ARHGEF6: variants seen among roughly 807,000 people sequenced by gnomAD.
ARHGEF6 encodes Rac/Cdc42 guanine nucleotide exchange factor 6.
A neutral mutation model predicts 70.3 loss-of-function variants in ARHGEF6; 9 were observed. The ratio of observed to expected loss-of-function variants is 0.13; its 90% CI spans 0.08 to 0.22. ARHGEF6 has a LOEUF of 0.22. Ranked by LOEUF, ARHGEF6 falls within the 10% of genes least tolerant of loss-of-function variation. The probability of loss-of-function intolerance (pLI) is 1.00; values close to 1 mark genes in which losing one functional copy is unlikely to be tolerated. For synonymous variants in ARHGEF6, 201 were observed against 207.8 expected, an observed-to-expected ratio of 0.97 and a Z score of 0.28; for missense variants, 470 against 563.0, an observed-to-expected ratio of 0.83 and a Z score of 1.67.
chrX:136,674,323 C>G (rs1379699769), intron 19 of ARHGEF6, among the ~76,000 whole-genome samples: 1 of 112,679 alleles, frequency 8.9e-6, no homozygotes, highest in African/African-American at 3.2e-5. Flanking sequence ...AAAAACTTCA[C>G]AAAAGGTATT....
intron 12 of ARHGEF6, among the ~76,000 whole-genome samples, chrX:136,685,052 C>G (rs769525115): frequency 6.3e-4 from 70 of 111,995 alleles, no homozygotes; most frequent in Non-Finnish European, 1.1e-3. Context: ...CTACCTGACT[C>G]AATCAATCTT....
At chrX:136,745,543 G>A (rs1361613932) in intron 3 of ARHGEF6, among the ~76,000 whole-genome samples, 196 bp from the exon 4 acceptor site, 1 of 111,147 alleles carries the variant, frequency 9.0e-6, no homozygotes, top group African/African-American at 3.3e-5. Flanking sequence ...AACCTTACTG[G>A]CCATCGTGCT....
At chrX:136,764,932 A>G (rs761154416) in intron 2 of ARHGEF6, among the ~76,000 whole-genome samples, 14 of 112,323 alleles carry the variant, frequency 1.2e-4, no homozygotes, top group Non-Finnish European at 2.3e-4. Flanking sequence ...ATGTACAGCC[A>G]TGTCTGAAAA....
At chrX:136,737,516 A>G in intron 5 of ARHGEF6, 1 of 742,442 alleles carries the variant, frequency 1.3e-6, no homozygotes, top group South Asian at 6.9e-5. Flanking sequence ...CAAACTCCTT[A>G]AAGACAAATT....
Position 136,688,009 on chromosome X carries a change from T to C in ARHGEF6, c.1186-18A>G. 1 of 1,164,590 alleles carries C rather than the reference T, an allele frequency of 8.6e-7. No homozygotes were observed. The highest frequency in any genetic ancestry group is 1.2e-6 in the Non-Finnish European group (1 of 852,549). ...TGAGTATCCTATCAAAGGAATACATTTGAAAACAATGTTAGAGGAGAGAGG... is the reference window on the plus strand; with the variant it reads ...TGAGTATCCTATCAAAGGAATACATCTGAAAACAATGTTAGAGGAGAGAGG... On this transcript the variant is annotated intron_variant, in intron 10 of 21. Coordinates refer to ENST00000250617, the MANE Select transcript of ARHGEF6 (RefSeq NM_004840.3).
intron 19 of ARHGEF6, among the ~76,000 whole-genome samples, chrX:136,673,863 G>T (rs536263486): frequency 1.9e-5 from 2 of 106,892 alleles, no homozygotes; most frequent in Non-Finnish European, 3.9e-5. Context: ...CCCACCTCTC[G>T]TTCTCTTGTA....
intron 7 of ARHGEF6, among the ~76,000 whole-genome samples, chrX:136,712,059 T>A (rs1458586366): frequency 8.9e-6 from 1 of 112,290 alleles, no homozygotes; most frequent in Admixed American, 9.4e-5. Context: ...TCTCACAATA[T>A]TTTTTCTTTT....
At chrX:136,747,993 T>C (rs1425281410) in intron 2 of ARHGEF6, among the ~76,000 whole-genome samples, 10 of 112,037 alleles carry the variant, frequency 8.9e-5, no homozygotes, top group African/African-American at 3.2e-4. Context: ...AGTCCATAAA[T>C]AAGGAGGTGG....
chrX:136,734,248 G>A lies in ARHGEF6; in HGVS notation c.662-2076C>T, dbSNP rs144810008. Among the ~76,000 whole-genome samples the A allele has an allele frequency of 4.0e-3, 450 of 111,684 alleles. 1 individual carries two copies. The highest frequency in any genetic ancestry group is 0.014 in the African/African-American group (435 of 30,752). On this transcript the variant is annotated intron_variant, in intron 5 of 21. Coordinates refer to ENST00000250617, the MANE Select transcript of ARHGEF6 (RefSeq NM_004840.3). ...GAAGCTTTATGCTAGTTCAGGATCC[G>A]CCTGGATCCACTGGTGGTTCATAAG...
intron 6 of ARHGEF6, among the ~76,000 whole-genome samples, chrX:136,729,995 A>G (rs2076919460): frequency 2.7e-5 from 3 of 110,700 alleles, no homozygotes. Context: ...ATTCACTAAC[A>G]TGTTAATAGT....
intron 9 of ARHGEF6, among the ~76,000 whole-genome samples, chrX:136,693,972 T>C (rs1416859628): frequency 1.8e-5 from 2 of 110,634 alleles, no homozygotes; most frequent in South Asian, 3.8e-4. Flanking sequence ...CTGGGTAGAG[T>C]GGTTCCCTTT....
At chrX:136,713,156 G>C (rs1435447313) in intron 7 of ARHGEF6, 120 bp downstream of exon 7, 1 of 601,424 alleles carries the variant, frequency 1.7e-6, no homozygotes, top group Non-Finnish European at 2.8e-6. Flanking sequence ...TTGGCAACCT[G>C]TGATCTGTGG....
At chrX:136,712,898 T>C (rs1294442861) in intron 7 of ARHGEF6, among the ~76,000 whole-genome samples, 1 of 112,386 alleles carries the variant, frequency 8.9e-6, no homozygotes, top group East Asian at 2.8e-4. Context: ...AGTTCTGCCC[T>C]GGCAAACAAA....
rs776639562 is a variant in ARHGEF6, at chrX:136,685,753, C to A, written c.1316G>T (p.Trp439Leu). The A allele has an allele frequency of 8.3e-7, 1 of 1,211,044 alleles. No homozygotes were observed. The highest frequency in any genetic ancestry group is 1.1e-6 in the Non-Finnish European group (1 of 894,825). ...LQILSEPIQA[W>L]EGEDIKNLGN... is the part of the protein sequence containing the mutation. ...CAAGTTTTTAATATCTTCTCCTTCCCATGCCTGAATAGGTTCGGACAGTAT... is the reference window on the plus strand; with the variant it reads ...CAAGTTTTTAATATCTTCTCCTTCCAATGCCTGAATAGGTTCGGACAGTAT... Residue 439 changes from tryptophan (W) to leucine (L), a missense_variant, in exon 12 of 22, where the codon TGG becomes TTG. Coordinates refer to ENST00000250617, the MANE Select transcript of ARHGEF6 (RefSeq NM_004840.3).
rs146778359 is a variant in ARHGEF6, at chrX:136,685,579, C to A, written c.1392+98G>T. Reference sequence around the variant, plus strand: ...CCAAGATGGCACCACTGCACTCCAGCCTGAGTGACAGAACAAGACTCCGTC... The same window carrying A: ...CCAAGATGGCACCACTGCACTCCAGACTGAGTGACAGAACAAGACTCCGTC... On this transcript the variant is annotated intron_variant, in intron 12 of 21. Transcript: ENST00000250617. 3,755 of 1,026,196 alleles carry A rather than the reference C, an allele frequency of 3.7e-3. 102 individuals carry two copies. In the African/African-American group the frequency reaches 0.067, roughly 18 times the overall value. 84.6% of individuals were successfully genotyped at this position (1,026,196 alleles called of 1,213,427 possible). A position where few individuals can be genotyped will look rare whatever the true frequency, so the allele number is the denominator to read the frequency against.
Position 136,675,004 on chromosome X carries a change from T to C in ARHGEF6, c.2035+3A>G, listed in dbSNP as rs760790388. On this transcript the variant is annotated splice_donor_region_variant and intron_variant, in intron 19 of 21. Coordinates refer to ENST00000250617, the MANE Select transcript of ARHGEF6 (RefSeq NM_004840.3). ...CTAGAGAAAGTAGTTTGGGGGAACC[T>C]ACTTGAGCCATGGCCTTGTTGAAAA... 1 of 1,207,400 alleles carries C rather than the reference T, an allele frequency of 8.3e-7. No individual in the cohort carries two copies. Among genetic ancestry groups the C allele is most frequent in the East Asian group, 3.0e-5 (1 of 33,851 alleles).
chrX:136,667,768 C>T lies in ARHGEF6; in HGVS notation c.*261G>A. On this transcript the variant is annotated 3_prime_UTR_variant, in exon 22 of 22. Coordinates refer to ENST00000250617, the MANE Select transcript of ARHGEF6 (RefSeq NM_004840.3). ...GGAAAAGACTCTGAGGCCATCTCTA[C>T]CACCACTTCCTGCTTTTTCACCTGT... is the stretch of plus-strand genomic sequence containing the variant. The T allele has an allele frequency of 2.5e-6, 1 of 404,516 alleles. No homozygotes were observed. Among genetic ancestry groups the T allele is most frequent in the Non-Finnish European group, 4.3e-6 (1 of 230,567 alleles). The allele number at this position is 404,516 out of a possible 1,213,427, so 33.3% of individuals were successfully genotyped here.
chrX:136,729,239 G>A (rs949330887), intron 6 of ARHGEF6, among the ~76,000 whole-genome samples: 3 of 106,602 alleles, frequency 2.8e-5, no homozygotes, highest in Non-Finnish European at 3.9e-5. Context: ...AAGCCAAAGC[G>A]GGAGAACCAC....
intron 2 of ARHGEF6, among the ~76,000 whole-genome samples, chrX:136,773,627 T>C (rs942657024): frequency 8.9e-6 from 1 of 112,423 alleles, no homozygotes; most frequent in African/African-American, 3.2e-5. Context: ...AAAACAGCTA[T>C]TGTGTATGCC....
Sources: gnomAD v4.1 joint callset for allele counts (sites outside exome capture counted in the v4.1 genomes callset) on GRCh38, gnomAD v4.1.1 for gene constraint, MANE v1.5 for transcripts, NCBI Gene and HGNC (gene_info 2026-07-23, HGNC 2026-07-21) for gene names.